Variants in HNRNPUL1 observed in about 807,000 individuals in gnomAD.
The protein encoded by HNRNPUL1 is heterogeneous nuclear ribonucleoprotein U like 1, also known as heterogeneous nuclear ribonucleoprotein U-like protein 1.
HNRNPUL1 carries 14 observed loss-of-function variants against 108.5 expected under a neutral mutation model. The ratio of observed to expected loss-of-function variants is 0.13; its 90% CI spans 0.09 to 0.20. HNRNPUL1 has a LOEUF of 0.20. Ranked by LOEUF, HNRNPUL1 falls within the 10% of genes least tolerant of loss-of-function variation. The pLI is 1.00. For missense variants in HNRNPUL1, 804 were observed against 1,168.3 expected (o/e 0.69, Z 4.55); for synonymous variants, 422 against 445.2 (o/e 0.95, Z 0.66).
rs374091105 is a variant in HNRNPUL1 at position 41,291,422 on chromosome 19, T to G, written c.1000-823T>G. Among the ~76,000 whole-genome samples, 11 of 152,298 alleles carry G rather than the reference T, an allele frequency of 7.2e-5. No homozygotes were observed. The East Asian group carries it at 1.4e-3, about 19-fold the overall frequency. On this transcript the variant is annotated intron_variant, in intron 7 of 14. Transcript: ENST00000392006. ...GTTCGAAAAGGCCCTGCGGTGGCTT[T>G]CCTTCATCTGTTATATTCATAGACT...
At chr19:41,304,560 C>T (rs1205737821) in intron 13 of HNRNPUL1, among the ~76,000 whole-genome samples, 1 of 152,248 alleles carries the variant, frequency 6.6e-6, no homozygotes, top group Non-Finnish European at 1.5e-5. Flanking sequence ...GTACATTATT[C>T]TTGGCTAGTG....
upstream of HNRNPUL1, among the ~76,000 whole-genome samples, chr19:41,263,865 T>C (rs941643919): frequency 6.6e-6 from 1 of 152,178 alleles, no homozygotes; most frequent in African/African-American, 2.4e-5. Flanking sequence ...TGAATTCATC[T>C]CTTTCCGGTT....
intron 4 of HNRNPUL1, among the ~76,000 whole-genome samples, chr19:41,274,971 T>A (rs1201223034): frequency 6.6e-6 from 1 of 152,154 alleles, no homozygotes. Flanking sequence ...ATCATGACGG[T>A]CAGCCTTTAG....
At position 41,303,980 on chromosome 19, in the gene HNRNPUL1, C is replaced by G; in HGVS notation, c.1981C>G (p.Arg661Gly). 6.2e-7 allele frequency: 1 copy of G among 1,609,100 alleles called. No homozygotes were observed. Among genetic ancestry groups the G allele is most frequent in the Non-Finnish European group, 8.5e-7 (1 of 1,176,162 alleles). ...GGGNYRGGFN[R>G]SGGGGYSQNR... ...GGATTTCTCCAACACAGGTTTCAAC[C>G]GCAGCGGAGGTGGTGGCTATAGCCA... Residue 661 changes from arginine (R) to glycine (G), a missense_variant, in exon 13 of 15, where the codon CGC becomes GGC. By Grantham distance (125) the Arg-to-Gly change is moderately radical (BLOSUM62 -2). Coordinates refer to ENST00000392006, the MANE Select transcript of HNRNPUL1 (RefSeq NM_007040.6).
chr19:41,304,347 A>G (rs747550866), intron 13 of HNRNPUL1, 86 bp downstream of exon 13: 27 of 1,521,362 alleles, frequency 1.8e-5, no homozygotes, highest in Non-Finnish European at 2.4e-5. Flanking sequence ...GATCTGGGGA[A>G]ATCAACACAT....
chr19:41,284,517 A>G (rs1399729068), intron 7 of HNRNPUL1, among the ~76,000 whole-genome samples: 1 of 151,942 alleles, frequency 6.6e-6, no homozygotes, highest in African/African-American at 2.4e-5. Flanking sequence ...TTATAAACAT[A>G]AAAATTAACT....
At chr19:41,268,585 G>A (rs1023053928) in intron 2 of HNRNPUL1, among the ~76,000 whole-genome samples, 2 of 152,124 alleles carry the variant, frequency 1.3e-5, no homozygotes, top group Non-Finnish European at 2.9e-5. Context: ...TCAGCCGGGT[G>A]TGGTGGCTCC....
At chr19:41,302,993 G>A (rs748259914) in intron 12 of HNRNPUL1, 44 bp downstream of exon 12, 2 of 1,504,006 alleles carry the variant, frequency 1.3e-6, no homozygotes, top group South Asian at 2.8e-5. Context: ...CTGTTCCCAG[G>A]TTGGGGCTGG....
chr19:41,300,435 A>G (rs2037138835), intron 10 of HNRNPUL1, among the ~76,000 whole-genome samples: 1 of 152,162 alleles, frequency 6.6e-6, no homozygotes, highest in African/African-American at 2.4e-5. Flanking sequence ...AATGCAGTTA[A>G]AAACTCCTTA....
chr19:41,290,171 C>A (rs578143327), intron 7 of HNRNPUL1, among the ~76,000 whole-genome samples: 1 of 152,212 alleles, frequency 6.6e-6, no homozygotes, highest in Admixed American at 6.5e-5. Context: ...AAGGTGGTCA[C>A]CTGAATAGAG....
In HNRNPUL1 at chr19:41,305,816, A is replaced by T; in HGVS notation, c.2403A>T (p.Pro801=). 1 of 1,393,270 alleles carries T rather than the reference A, an allele frequency of 7.2e-7. No individual in the cohort carries two copies. The highest frequency in any genetic ancestry group is 9.8e-7 in the Non-Finnish European group (1 of 1,017,308). 86.3% of individuals were successfully genotyped at this position (1,393,270 alleles called of 1,614,324 possible). The change falls in exon 14 of 15, where the codon CCA becomes CCT. Residue 801 remains proline, a synonymous_variant. Coordinates refer to ENST00000392006, the MANE Select transcript of HNRNPUL1 (RefSeq NM_007040.6). The part of the protein sequence containing the change: ...GYNPAPYTPP[P]PPTAQTYPQP... The stretch of plus-strand genomic sequence containing the variant: ...ACCCGGCCCCCTATACCCCACCGCC[A>T]CCCCCCACTGCACAGACCTACCCTC...
At chr19:41,282,487 T>C (rs2035956629) in intron 7 of HNRNPUL1, among the ~76,000 whole-genome samples, 2 of 152,054 alleles carry the variant, frequency 1.3e-5, no homozygotes, top group Admixed American at 6.6e-5. Flanking sequence ...TGGCCCCTTC[T>C]TCTTTTTTTA....
chr19:41,291,982 AAAAAAAAAAAAC>A (rs1176077611), intron 7 of HNRNPUL1: 91 of 401,264 alleles, frequency 2.3e-4, no homozygotes, highest in East Asian at 1.0e-3. Flanking sequence ...CCTGTCTCAA[AAAAAAAAAAAAC>A]AAAAAAAAAA....
At chr19:41,270,998 C>T (rs1329560855) in intron 2 of HNRNPUL1, among the ~76,000 whole-genome samples, 3 of 152,180 alleles carry the variant, frequency 2.0e-5, no homozygotes, top group African/African-American at 4.8e-5. Context: ...GGTTAATAAG[C>T]AGCATTCCTT....
Position 41,264,448 on chromosome 19 carries a change from G to A in HNRNPUL1, c.-56G>A, listed in dbSNP as rs939749345. ...CCTCCTGACAGGAAAGGTTTAAGGGGGACAGAGCCCTGGGAGGCCGGGCCG... is the reference window on the plus strand; with the variant it reads ...CCTCCTGACAGGAAAGGTTTAAGGGAGACAGAGCCCTGGGAGGCCGGGCCG... On this transcript the variant is annotated 5_prime_UTR_variant, in exon 1 of 15. Transcript: ENST00000392006. 37 of 1,318,906 alleles carry A rather than the reference G, an allele frequency of 2.8e-5. No individual in the cohort carries two copies. The highest frequency in any genetic ancestry group is 5.7e-5 in the South Asian group (3 of 52,510). The allele number at this position is 1,318,906 out of a possible 1,614,324, so 81.7% of individuals were successfully genotyped here. A position where few individuals can be genotyped will look rare whatever the true frequency, so the allele number is the denominator to read the frequency against.
intron 2 of HNRNPUL1, among the ~76,000 whole-genome samples, chr19:41,268,826 T>A (rs1368907740): frequency 6.6e-6 from 1 of 151,832 alleles, no homozygotes; most frequent in Non-Finnish European, 1.5e-5. Context: ...TCATTGCACT[T>A]CACTCAGTCT....
At chr19:41,265,338 A>ATT in intron 1 of HNRNPUL1, 1 of 417,240 alleles carries the variant, frequency 2.4e-6, no homozygotes, top group Non-Finnish European at 4.2e-6. Flanking sequence ...GCGTTCTCCT[A>ATT]TTTGGGTACG....
Position 41,294,752 on chromosome 19 carries a change from C to T in HNRNPUL1, c.1518+66C>T. ...GGACCCCTTGCATGCCTGAGAATCT[C>T]CCTCTGGTCCCTTTCTTTTTTCCCC... is the stretch of plus-strand genomic sequence containing the variant. On this transcript the variant is annotated intron_variant, in intron 10 of 14. Coordinates refer to ENST00000392006, the MANE Select transcript of HNRNPUL1 (RefSeq NM_007040.6). The surrounding 1 kb of genome is among the most constrained non-coding windows in gnomAD (Gnocchi z 4.3). The T allele has an allele frequency of 2.5e-6, 4 of 1,578,550 alleles. No homozygotes were observed. The South Asian group carries it at 3.3e-5, about 13-fold the overall frequency.
rs1568450012 is a variant in HNRNPUL1, at chr19:41,292,232, C to CT, written c.1000-8dup. On this transcript the variant is annotated splice_polypyrimidine_tract_variant and intron_variant, in intron 7 of 14. Coordinates refer to ENST00000392006, the MANE Select transcript of HNRNPUL1 (RefSeq NM_007040.6). This position sits in a 1 kb window ranked among gnomAD's most constrained non-coding sequence, Gnocchi z 4.1. The stretch of plus-strand genomic sequence containing the variant: ...AGAGTTGGCAATCATATTCCTTTGG[C>CT]TTTTTCTCCTAGGATTTTGAATGTG... The CT allele has an allele frequency of 6.2e-7, 1 of 1,612,626 alleles. No homozygotes were observed. Among genetic ancestry groups the CT allele is most frequent in the Non-Finnish European group, 8.5e-7 (1 of 1,178,874 alleles).
Sources: allele counts gnomAD v4.1 joint callset (sites outside exome capture counted in the v4.1 genomes callset), GRCh38; gene constraint gnomAD v4.1.1; non-coding constraint Gnocchi (gnomAD v3.1); transcripts MANE v1.5; gene names NCBI Gene and HGNC (gene_info 2026-07-23, HGNC 2026-07-21).